CAMLG: variants seen among roughly 807,000 people sequenced by gnomAD.
CAMLG encodes guided entry of tail-anchored proteins factor CAMLG.
A neutral mutation model predicts 28.9 loss-of-function variants in CAMLG; 23 were observed. The ratio of observed to expected loss-of-function variants is 0.80; its 90% CI spans 0.57 to 1.13. The LOEUF is 1.13. CAMLG is among the 50% of genes most tolerant of loss of function. The pLI, the probability that CAMLG is intolerant of heterozygous loss-of-function variation, is 0.00. For missense variants in CAMLG, 367 were observed against 371.9 expected, an observed-to-expected ratio of 0.99 and a Z score of 0.11; for synonymous variants, 141 against 146.5, an observed-to-expected ratio of 0.96 and a Z score of 0.27.
At chr5:134,747,947 C>T (rs575817264) in intron 3 of CAMLG, among the ~76,000 whole-genome samples, 25 of 151,566 alleles carry the variant, frequency 1.6e-4, no homozygotes, top group Non-Finnish European at 3.2e-4. Context: ...CCACAACCTC[C>T]GCCTCCCAGG....
intron 1 of CAMLG, among the ~76,000 whole-genome samples, chr5:134,739,491 A>G (rs1228067222): frequency 6.6e-6 from 1 of 152,146 alleles, no homozygotes; most frequent in Non-Finnish European, 1.5e-5. Context: ...CTGGAGCTGC[A>G]TTTCTAAGGA....
At position 134,752,080 on chromosome 5, in the gene CAMLG, AC is replaced by A. The variant is rs1753120636; in HGVS notation, c.*1131del. 6.6e-6 allele frequency: 1 copy of A among 152,234 alleles called. No individual in the cohort carries two copies. Among genetic ancestry groups the A allele is most frequent in the African/African-American group, 2.4e-5 (1 of 41,464 alleles). 9.4% of individuals were successfully genotyped at this position (152,234 alleles called of 1,614,324 possible). On this transcript the variant is annotated 3_prime_UTR_variant, in exon 4 of 4. Transcript: ENST00000297156. ...TAAAGTGTTAATGTCACTTGGTGTT[AC>A]ATTTCCTTACAGATTTTTGTATAGT...
intron 3 of CAMLG, among the ~76,000 whole-genome samples, chr5:134,749,074 T>G (rs1037702763): frequency 2.0e-5 from 3 of 151,106 alleles, no homozygotes; most frequent in African/African-American, 7.3e-5. Context: ...CTATAGGGTT[T>G]TTTTTTTTTT....
At chr5:134,748,589 T>C (rs576914304) in intron 3 of CAMLG, among the ~76,000 whole-genome samples, 2 of 152,296 alleles carry the variant, frequency 1.3e-5, no homozygotes, top group East Asian at 3.9e-4. Context: ...GCGTAATTAA[T>C]TGATTGCTTG....
intron 2 of CAMLG, among the ~76,000 whole-genome samples, chr5:134,741,959 T>C (rs1752991604): frequency 6.6e-6 from 1 of 152,102 alleles, no homozygotes; most frequent in African/African-American, 2.4e-5. Flanking sequence ...AATATATGTA[T>C]GTGTATATAT....
intron 3 of CAMLG, among the ~76,000 whole-genome samples, chr5:134,744,498 G>A (rs1302162181): frequency 6.9e-6 from 1 of 144,472 alleles, no homozygotes; most frequent in African/African-American, 2.6e-5. Flanking sequence ...CACTGCTCCA[G>A]TCTGGGTGAC....
At chr5:134,748,180 C>A (rs1753073729) in intron 3 of CAMLG, among the ~76,000 whole-genome samples, 2 of 152,136 alleles carry the variant, frequency 1.3e-5, no homozygotes, top group African/African-American at 4.8e-5. Flanking sequence ...ATTCGCCCAC[C>A]TCCGCTTCCC....
At position 134,750,793 on chromosome 5, in the gene CAMLG, C is replaced by G; in HGVS notation, c.734C>G (p.Ala245Gly). 1 of 1,613,698 alleles carries G rather than the reference C, an allele frequency of 6.2e-7. No homozygotes were observed. The highest frequency in any genetic ancestry group is 1.3e-5 in the African/African-American group (1 of 75,060). The change falls in exon 4 of 4, where the codon GCT (alanine) becomes GGT (glycine). Residue 245 changes from alanine to glycine, a missense_variant. Coordinates refer to ENST00000297156, the MANE Select transcript of CAMLG (RefSeq NM_001745.4). ...EKKIKTTVLT[A>G]ALLLSGIPAE... ...AAGATAAAGACAACAGTACTAACAGCTGCACTTCTATTGTCGGGAATTCCT... is the reference window on the plus strand; with the variant it reads ...AAGATAAAGACAACAGTACTAACAGGTGCACTTCTATTGTCGGGAATTCCT...
At position 134,741,093 on chromosome 5, in the gene CAMLG, A is replaced by G; in HGVS notation, c.203A>G (p.Gln68Arg). 6.2e-7 allele frequency: 1 copy of G among 1,613,604 alleles called. No homozygotes were observed. Among genetic ancestry groups the G allele is most frequent in the South Asian group, 1.1e-5 (1 of 91,072 alleles). ...GAAAGTCAAACAAAATCAAAGCAGC[A>G]GGACAGTGATAAACTGAACTCCCTC... Reference protein sequence around the residue: ...EEESQTKSKQQDSDKLNSLSV... With the variant: ...EEESQTKSKQRDSDKLNSLSV... Residue 68 changes from glutamine (Q) to arginine (R), a missense_variant, in exon 2 of 4, where the codon CAG becomes CGG. Transcript: ENST00000297156.
chr5:134,743,301 G>T (rs962042813), intron 2 of CAMLG, among the ~76,000 whole-genome samples: 1 of 152,092 alleles, frequency 6.6e-6, no homozygotes, highest in African/African-American at 2.4e-5. Flanking sequence ...TAATTTAAAA[G>T]ATAAGTTTTT....
At chr5:134,740,629 C>G (rs1244652125) in intron 1 of CAMLG, among the ~76,000 whole-genome samples, 1 of 152,132 alleles carries the variant, frequency 6.6e-6, no homozygotes, top group Non-Finnish European at 1.5e-5. Flanking sequence ...GAGTCTCACT[C>G]TGTCGCCAGG....
Position 134,750,952 on chromosome 5 carries a change from G to A in CAMLG, c.*2G>A, listed in dbSNP as rs143752676. ...TATTGGGGCTCTGAAGTACCATGAA[G>A]CCTGTAGAACTGAGAAGGAGAAGCT... On this transcript the variant is annotated 3_prime_UTR_variant, in exon 4 of 4. Transcript: ENST00000297156. 2 of 1,606,744 alleles carry A rather than the reference G, an allele frequency of 1.2e-6. No homozygotes were observed. Among genetic ancestry groups the A allele is most frequent in the Non-Finnish European group, 8.5e-7 (1 of 1,175,528 alleles).
intron 3 of CAMLG, among the ~76,000 whole-genome samples, chr5:134,748,221 G>A (rs1485971860): frequency 6.7e-6 from 1 of 149,288 alleles, no homozygotes. Flanking sequence ...GTGAGCCACC[G>A]CACCTGGCTT....
At chr5:134,745,955 A>G (rs922666246) in intron 3 of CAMLG, among the ~76,000 whole-genome samples, 1 of 151,442 alleles carries the variant, frequency 6.6e-6, no homozygotes. Context: ...CCTGACCAAC[A>G]TGGAGAAACC....
intron 2 of CAMLG, among the ~76,000 whole-genome samples, chr5:134,742,418 G>T (rs1752995922): frequency 6.6e-6 from 1 of 152,126 alleles, no homozygotes; most frequent in African/African-American, 2.4e-5. Context: ...AGGGTTAAGT[G>T]CTTTACATAT....
At chr5:134,750,237 A>G (rs907325149) in intron 3 of CAMLG, among the ~76,000 whole-genome samples, 2 of 152,088 alleles carry the variant, frequency 1.3e-5, no homozygotes, top group Non-Finnish European at 2.9e-5. Flanking sequence ...CACTTTTTAA[A>G]AACTTCTAAT....
chr5:134,738,758 G>C lies in CAMLG; in HGVS notation c.138G>C (p.Arg46=), dbSNP rs146867024. 120 of 1,614,128 alleles carry C rather than the reference G, an allele frequency of 7.4e-5. No individual in the cohort carries two copies. In the African/African-American group the frequency reaches 1.3e-3, roughly 18 times the overall value. ...TGAACTCGGAACAGCGCATCAACCG[G>C]ATCATGGGCTTTCACAGGCCCGGGA... ...LLMNSEQRIN[R]IMGFHRPGSG... Residue 46 remains arginine (R), a synonymous_variant, in exon 1 of 4, where the codon CGG becomes CGC. Coordinates refer to ENST00000297156, the MANE Select transcript of CAMLG (RefSeq NM_001745.4).
intron 2 of CAMLG, among the ~76,000 whole-genome samples, chr5:134,742,023 A>G (rs965534108): frequency 6.6e-6 from 1 of 152,208 alleles, no homozygotes; most frequent in Admixed American, 6.5e-5. Context: ...TACAAATAAA[A>G]ACAGTATAAC....
chr5:134,748,051 A>G (rs1409069588), intron 3 of CAMLG, among the ~76,000 whole-genome samples: 4 of 151,696 alleles, frequency 2.6e-5, no homozygotes, highest in Admixed American at 1.3e-4. Context: ...TTCAGTAGAG[A>G]CGGGGTTTCA....
Sources: gnomAD v4.1 joint callset for allele counts (sites outside exome capture counted in the v4.1 genomes callset) on GRCh38, gnomAD v4.1.1 for gene constraint, MANE v1.5 for transcripts, NCBI Gene and HGNC (gene_info 2026-07-23, HGNC 2026-07-21) for gene names.